ROBO1: variants seen among roughly 807,000 people sequenced by gnomAD.
ROBO1 encodes the protein roundabout guidance receptor 1.
In ROBO1, 149 loss-of-function variants were observed where a neutral mutation model predicts 195.9. That is an observed-to-expected ratio of 0.76 (90% CI 0.67 to 0.87). The LOEUF is 0.87. ROBO1 is among the 40% of genes least tolerant of loss of function. ROBO1 has a pLI of 0.00. For synonymous variants in ROBO1, 816 were observed against 733.2 expected, an observed-to-expected ratio of 1.11 and a Z score of -1.82; for missense variants, 1,933 against 2,068.3, an observed-to-expected ratio of 0.93 and a Z score of 1.27.
At chr3:78,917,173 T>C (rs2038658413) in intron 4 of ROBO1, among the ~76,000 whole-genome samples, 1 of 147,060 alleles carries the variant, frequency 6.8e-6, no homozygotes, top group Non-Finnish European at 1.5e-5. Flanking sequence ...CTCGGCTCAT[T>C]GCAACCTCTG....
chr3:78,762,564 A>G (rs1468455003), intron 4 of ROBO1, among the ~76,000 whole-genome samples: 1 of 152,032 alleles, frequency 6.6e-6, no homozygotes, highest in Non-Finnish European at 1.5e-5. Context: ...ATGTAGAGGC[A>G]CTTCTTAATC....
intron 2 of ROBO1, among the ~76,000 whole-genome samples, chr3:79,223,288 T>C (rs533499531): frequency 6.6e-6 from 1 of 152,260 alleles, no homozygotes; most frequent in African/African-American, 2.4e-5. Context: ...AACATCTGAA[T>C]TATATCTCAT....
At chr3:79,275,001 CA>C (rs2030908105) in intron 2 of ROBO1, among the ~76,000 whole-genome samples, 1 of 150,962 alleles carries the variant, frequency 6.6e-6, no homozygotes, top group Non-Finnish European at 1.5e-5. Context: ...AGCACTCTCT[CA>C]GCAGAGAAAT....
intron 1 of ROBO1, among the ~76,000 whole-genome samples, chr3:79,632,647 C>G (rs1236539784): frequency 1.3e-5 from 2 of 152,008 alleles, no homozygotes; most frequent in African/African-American, 4.8e-5. Flanking sequence ...CAAAATGGAT[C>G]ACAGAAGCAA....
chr3:79,222,581 T>G (rs1487505348), intron 2 of ROBO1, among the ~76,000 whole-genome samples: 1 of 151,954 alleles, frequency 6.6e-6, no homozygotes, highest in Non-Finnish European at 1.5e-5. Context: ...CTATCACTTT[T>G]TGTCTCTTAA....
At chr3:78,880,982 C>G (rs1388453507) in intron 4 of ROBO1, among the ~76,000 whole-genome samples, 1 of 152,100 alleles carries the variant, frequency 6.6e-6, no homozygotes, top group Non-Finnish European at 1.5e-5. Flanking sequence ...TGGTCAGACC[C>G]TGATAGTTAT....
intron 2 of ROBO1, among the ~76,000 whole-genome samples, chr3:79,506,540 G>A (rs1940407154): frequency 6.6e-6 from 1 of 152,004 alleles, no homozygotes; most frequent in African/African-American, 2.4e-5. Flanking sequence ...CACCTCCCGG[G>A]TTCAAGTAAT....
chr3:79,735,144 A>ATT (rs1350515093), intron 1 of ROBO1, among the ~76,000 whole-genome samples: 1 of 152,224 alleles, frequency 6.6e-6, no homozygotes, highest in African/African-American at 2.4e-5. Context: ...AAGAAACTGC[A>ATT]TTTTTAACAA....
intron 2 of ROBO1, among the ~76,000 whole-genome samples, chr3:79,510,035 T>C (rs939661377): frequency 5.9e-5 from 9 of 151,598 alleles, no homozygotes; most frequent in African/African-American, 2.2e-4. Context: ...TACAAACAAA[T>C]AAATAGGAAA....
At chr3:79,335,157 C>T (rs560595034) in intron 2 of ROBO1, among the ~76,000 whole-genome samples, 1 of 152,118 alleles carries the variant, frequency 6.6e-6, no homozygotes, top group Admixed American at 6.5e-5. Context: ...TAACAGAAAA[C>T]ATTTTAGATG....
intron 2 of ROBO1, among the ~76,000 whole-genome samples, chr3:79,449,064 T>C (rs1575840019): frequency 6.6e-6 from 1 of 151,872 alleles, no homozygotes; most frequent in South Asian, 2.1e-4. Context: ...TCCCTGTCTC[T>C]ACAGAATAAA....
chr3:79,435,906 T>A (rs1252547313), intron 2 of ROBO1, among the ~76,000 whole-genome samples: 1 of 152,170 alleles, frequency 6.6e-6, no homozygotes, highest in Non-Finnish European at 1.5e-5. Flanking sequence ...GGGGAGAAGA[T>A]GTTTCCTTCA....
At chr3:78,878,503 T>C (rs1264128121) in intron 4 of ROBO1, among the ~76,000 whole-genome samples, 1 of 143,556 alleles carries the variant, frequency 7.0e-6, no homozygotes, top group African/African-American at 2.6e-5. Flanking sequence ...GAGAATCGCT[T>C]GAACTGGGGG....
At chr3:79,396,240 C>G (rs974672819) in intron 2 of ROBO1, among the ~76,000 whole-genome samples, 2 of 151,894 alleles carry the variant, frequency 1.3e-5, no homozygotes, top group East Asian at 1.9e-4. Flanking sequence ...AACAAAGAAA[C>G]AAGACACTTG....
intron 1 of ROBO1, among the ~76,000 whole-genome samples, chr3:79,677,702 G>C (rs986400526): frequency 6.6e-6 from 1 of 152,088 alleles, no homozygotes; most frequent in Non-Finnish European, 1.5e-5. Context: ...GAGGCCAAAG[G>C]TGACCTGCAG....
At chr3:78,730,198 T>C (rs2082256982) in intron 5 of ROBO1, among the ~76,000 whole-genome samples, 1 of 152,218 alleles carries the variant, frequency 6.6e-6, no homozygotes, top group Non-Finnish European at 1.5e-5. Context: ...CAACAGTAAA[T>C]CCCTTTTCCT....
intron 3 of ROBO1, among the ~76,000 whole-genome samples, chr3:79,122,349 A>G (rs1204723772): frequency 6.6e-6 from 1 of 152,058 alleles, no homozygotes; most frequent in Non-Finnish European, 1.5e-5. Context: ...TGTTGCATTC[A>G]TTGATTTGTA....
intron 2 of ROBO1, 52 bp downstream of exon 2, chr3:79,589,772 G>T: frequency 7.1e-7 from 1 of 1,399,268 alleles, no homozygotes; most frequent in Non-Finnish European, 1.0e-6. Flanking sequence ...TGAATTTAAA[G>T]CAAAGAGGGA....
At chr3:79,173,811 C>G (rs559639457) in intron 2 of ROBO1, among the ~76,000 whole-genome samples, 2 of 152,270 alleles carry the variant, frequency 1.3e-5, no homozygotes, top group South Asian at 4.1e-4. Context: ...CTTGGAGAAC[C>G]TTTACGTCTA....
Sources: gnomAD v4.1 joint callset for allele counts (sites outside exome capture counted in the v4.1 genomes callset) on GRCh38, gnomAD v4.1.1 for gene constraint, MANE v1.5 for transcripts, NCBI Gene and HGNC (gene_info 2026-07-23, HGNC 2026-07-21) for gene names.